CDKAL1: variants seen among roughly 807,000 people sequenced by gnomAD.
CDKAL1 encodes CDKAL1 threonylcarbamoyladenosine tRNA methylthiotransferase, also known as threonylcarbamoyladenosine tRNA methylthiotransferase.
CDKAL1 carries 32 observed loss-of-function variants against 68.2 expected under a neutral mutation model. The ratio of observed to expected loss-of-function variants is 0.47; its 90% CI spans 0.35 to 0.63. The LOEUF (loss-of-function observed/expected upper bound fraction) is 0.63. Among genes scored for constraint, CDKAL1 ranks in the 30% least tolerant of loss-of-function variants. CDKAL1 has a pLI of 0.00. For missense variants in CDKAL1, 606 were observed against 696.7 expected (o/e 0.87, Z 1.47); for synonymous variants, 234 against 244.3 (o/e 0.96, Z 0.39).
At chr6:20,852,969 A>G (rs575360930) in intron 9 of CDKAL1, among the ~76,000 whole-genome samples, 1 of 152,300 alleles carries the variant, frequency 6.6e-6, no homozygotes, top group Non-Finnish European at 1.5e-5. Flanking sequence ...ACAAATAGTA[A>G]ATATTTTAGG....
intron 8 of CDKAL1, among the ~76,000 whole-genome samples, chr6:20,839,614 A>G (rs1238379655): frequency 1.3e-5 from 2 of 152,118 alleles, no homozygotes; most frequent in Admixed American, 6.5e-5. Flanking sequence ...TAGTGTGTTT[A>G]TACCCTGTGT....
At chr6:20,831,867 G>A (rs887408221) in intron 8 of CDKAL1, among the ~76,000 whole-genome samples, 1 of 152,046 alleles carries the variant, frequency 6.6e-6, no homozygotes, top group Non-Finnish European at 1.5e-5. Context: ...TAGAATGGTC[G>A]ACGTTGAGTT....
At chr6:20,541,159 G>C (rs182547871) in intron 2 of CDKAL1, among the ~76,000 whole-genome samples, 1 of 152,220 alleles carries the variant, frequency 6.6e-6, no homozygotes, top group Admixed American at 6.5e-5. Context: ...CAGATAGGTA[G>C]TAAATAATTA....
At chr6:21,206,151 G>A (rs1778927485) in intron 15 of CDKAL1, among the ~76,000 whole-genome samples, 1 of 152,024 alleles carries the variant, frequency 6.6e-6, no homozygotes, top group African/African-American at 2.4e-5. Flanking sequence ...GTATTTTTAA[G>A]CCCAGGTCCA....
intron 5 of CDKAL1, among the ~76,000 whole-genome samples, chr6:20,681,533 T>C: frequency 6.6e-6 from 1 of 152,226 alleles, no homozygotes; most frequent in East Asian, 1.9e-4. Flanking sequence ...AGTGTGACTG[T>C]TATCAGTTTA....
At chr6:20,624,793 G>A (rs1250831318) in intron 4 of CDKAL1, among the ~76,000 whole-genome samples, 1 of 152,020 alleles carries the variant, frequency 6.6e-6, no homozygotes, top group Non-Finnish European at 1.5e-5. Flanking sequence ...ACAAATGCCT[G>A]CGGAGTATAT....
intron 9 of CDKAL1, among the ~76,000 whole-genome samples, chr6:20,853,266 C>T (rs1759115733): frequency 1.3e-5 from 2 of 152,038 alleles, no homozygotes; most frequent in South Asian, 4.1e-4. Context: ...CCTGTAACCC[C>T]AGCTACTTGG....
In CDKAL1 at chr6:20,906,488, A is replaced by G. The variant is rs553253206; in HGVS notation, c.743-48931A>G. ...CAACTTATGATGGGGCTACTTCCCA[A>G]TAAACCCATTGTAAGTTGAAAATAT... On this transcript the variant is annotated intron_variant, in intron 9 of 15. Coordinates refer to ENST00000274695, the MANE Select transcript of CDKAL1 (RefSeq NM_017774.3). 9.8e-5 allele frequency among the ~76,000 whole-genome samples: 15 copies of G among 152,314 alleles called. No individual in the cohort carries two copies. The East Asian group carries it at 2.5e-3, about 25-fold the overall frequency.
intron 11 of CDKAL1, among the ~76,000 whole-genome samples, chr6:21,006,398 C>T (rs957737960): frequency 3.9e-5 from 6 of 152,240 alleles, no homozygotes; most frequent in South Asian, 4.1e-4. Flanking sequence ...GTAACCACCT[C>T]CAAAATACTT....
In CDKAL1 at chr6:20,757,825, G is replaced by A. The variant is rs537884669; in HGVS notation, c.469-770G>A. Among the ~76,000 whole-genome samples, 5 of 152,122 alleles carry A rather than the reference G, an allele frequency of 3.3e-5. No homozygotes were observed. The East Asian group carries it at 5.8e-4, about 18-fold the overall frequency. On this transcript the variant is annotated intron_variant, in intron 6 of 15. Coordinates refer to ENST00000274695, the MANE Select transcript of CDKAL1 (RefSeq NM_017774.3). Reference sequence around the variant, plus strand: ...ATTTAAGGACTTTTAAAGAAGAATCGACTTTGACTTATTCTTTTTTTAGCT... The same window carrying A: ...ATTTAAGGACTTTTAAAGAAGAATCAACTTTGACTTATTCTTTTTTTAGCT...
chr6:20,849,075 G>A (rs773086353), intron 9 of CDKAL1, among the ~76,000 whole-genome samples: 2 of 151,768 alleles, frequency 1.3e-5, no homozygotes, highest in African/African-American at 2.4e-5. Context: ...GTGAGCCACT[G>A]CACCCAGCCA....
At chr6:20,623,912 C>T (rs1767306764) in intron 4 of CDKAL1, among the ~76,000 whole-genome samples, 1 of 152,010 alleles carries the variant, frequency 6.6e-6, no homozygotes, top group Admixed American at 6.6e-5. Context: ...TTGTAGAATC[C>T]TTATAAAGAT....
rs76976346 is a variant in CDKAL1, at chr6:21,024,310, A to C, written c.1055+23938A>C. ...ATTTATACCCATGCACAGGAATGGA[A>C]GCATTTCACAGACAGACATGTAAGA... On this transcript the variant is annotated intron_variant, in intron 11 of 15. Coordinates refer to ENST00000274695, the MANE Select transcript of CDKAL1 (RefSeq NM_017774.3). 9.9e-3 allele frequency among the ~76,000 whole-genome samples: 1,512 copies of C among 152,266 alleles called. 13 individuals carry two copies. The highest frequency in any genetic ancestry group is 0.015 in the Non-Finnish European group (1,040 of 68,022).
intron 9 of CDKAL1, among the ~76,000 whole-genome samples, chr6:20,870,597 T>G (rs1324235331): frequency 6.6e-6 from 1 of 152,162 alleles, no homozygotes; most frequent in Non-Finnish European, 1.5e-5. Context: ...ATATCAGCAT[T>G]TTTTTCCCCT....
chr6:21,110,607 T>C (rs544306228), intron 13 of CDKAL1, among the ~76,000 whole-genome samples: 27 of 152,258 alleles, frequency 1.8e-4, no homozygotes, highest in African/African-American at 6.5e-4. Context: ...CTTATGAAAA[T>C]ATATACATAT....
At chr6:21,072,554 C>CA (rs71540611) in intron 12 of CDKAL1, among the ~76,000 whole-genome samples, 16,493 of 44,428 alleles carry the variant, frequency 0.37, 5,223 homozygotes, top group South Asian at 0.49. Context: ...GACTCCGTCT[C>CA]AAAAAAAAAA....
intron 9 of CDKAL1, among the ~76,000 whole-genome samples, chr6:20,869,406 A>T (rs1249195523): frequency 2.0e-5 from 3 of 152,246 alleles, no homozygotes; most frequent in African/African-American, 7.2e-5. Context: ...AAGAGTAAAT[A>T]GTAAACCACA....
chr6:20,602,481 A>G (rs1371012957), intron 4 of CDKAL1, among the ~76,000 whole-genome samples: 2 of 152,076 alleles, frequency 1.3e-5, no homozygotes, highest in Admixed American at 6.6e-5. Context: ...TTAGGGAGGA[A>G]TGGGGTTAGC....
chr6:21,231,208 G>T lies in CDKAL1; in HGVS notation c.*169G>T. The T allele has an allele frequency of 4.2e-6, 2 of 472,438 alleles. No individual in the cohort carries two copies. The highest frequency in any genetic ancestry group is 3.1e-5 in the East Asian group (1 of 32,378). 29.3% of individuals were successfully genotyped at this position (472,438 alleles called of 1,614,324 possible). A position where few individuals can be genotyped will look rare whatever the true frequency, so the allele number is the denominator to read the frequency against. The stretch of plus-strand genomic sequence containing the variant: ...GGCTCCCCCTGTCTCACATTGAGTT[G>T]GGCCCATTGGTTATTTGACCTAAAA... On this transcript the variant is annotated 3_prime_UTR_variant, in exon 16 of 16. Transcript: ENST00000274695.
Sources: allele counts gnomAD v4.1 joint callset (sites outside exome capture counted in the v4.1 genomes callset), GRCh38; gene constraint gnomAD v4.1.1; transcripts MANE v1.5; gene names NCBI Gene and HGNC (gene_info 2026-07-23, HGNC 2026-07-21).